Variants in PAG1 observed in about 807,000 individuals in gnomAD.
PAG1 encodes the protein phosphoprotein associated with glycosphingolipid-enriched microdomains 1.
A neutral mutation model predicts 31.7 loss-of-function variants in PAG1; 23 were observed. The observed-to-expected ratio is 0.73, with a 90% CI of 0.52 to 1.03. PAG1 has a LOEUF of 1.03. PAG1 is among the 50% of genes least tolerant of loss of function. The probability of loss-of-function intolerance (pLI) is 0.00; values close to 1 mark genes in which losing one functional copy is unlikely to be tolerated. For missense variants in PAG1, 473 were observed against 540.7 expected (o/e 0.87, Z 1.24); for synonymous variants, 214 against 210.3 (o/e 1.02, Z -0.15).
intron 3 of PAG1, among the ~76,000 whole-genome samples, chr8:81,025,387 G>C (rs1050193391): frequency 3.9e-5 from 6 of 151,980 alleles, no homozygotes; most frequent in Non-Finnish European, 8.8e-5. Flanking sequence ...TTCTCTTTTG[G>C]GGGCGCCCAA....
rs1156291167 is a variant in PAG1, at chr8:80,984,936, CTT to C, written c.714_715del (p.Ser239CysfsTer2). The C allele has an allele frequency of 1.2e-6, 2 of 1,614,194 alleles. No individual in the cohort carries two copies. The highest frequency in any genetic ancestry group is 1.7e-6 in the Non-Finnish European group (2 of 1,180,032). On this transcript the variant is annotated frameshift_variant, in exon 7 of 9. Coordinates refer to ENST00000220597, the MANE Select transcript of PAG1 (RefSeq NM_018440.4). LOFTEE classifies it high-confidence loss of function. ...TCCAAGGATACTCTCTACATTAACACTTTGACGACATTTTTTGTTTCTGTCCA... is the reference window on the plus strand; with the variant it reads ...TCCAAGGATACTCTCTACATTAACACTGACGACATTTTTTGTTTCTGTCCA...
At chr8:81,005,316 G>A (rs1020560382) in intron 3 of PAG1, among the ~76,000 whole-genome samples, 1 of 152,164 alleles carries the variant, frequency 6.6e-6, no homozygotes, top group African/African-American at 2.4e-5. Flanking sequence ...ATGTATGTAT[G>A]TATTTATATA....
chr8:81,068,192 A>G (rs1213312291), intron 2 of PAG1, among the ~76,000 whole-genome samples: 2 of 152,212 alleles, frequency 1.3e-5, no homozygotes, highest in Non-Finnish European at 2.9e-5. Flanking sequence ...CACTGCACCC[A>G]GCCTGCTTTG....
At chr8:81,012,689 T>A (rs1196729494) in intron 3 of PAG1, among the ~76,000 whole-genome samples, 1 of 152,206 alleles carries the variant, frequency 6.6e-6, no homozygotes, top group East Asian at 1.9e-4. Flanking sequence ...AAAGAAATAA[T>A]CAGATACCAG....
chr8:81,062,417 C>T (rs1382348634), intron 2 of PAG1, among the ~76,000 whole-genome samples: 1 of 152,198 alleles, frequency 6.6e-6, no homozygotes, highest in Non-Finnish European at 1.5e-5. Flanking sequence ...TGTAAACATT[C>T]ATATTGGCAG....
In PAG1 at chr8:81,059,949, C is replaced by T. The variant is rs535047784; in HGVS notation, c.-175+10163G>A. Among the ~76,000 whole-genome samples the T allele has an allele frequency of 5.3e-5, 8 of 151,582 alleles. No individual in the cohort carries two copies. The South Asian group carries it at 8.3e-4, about 16-fold the overall frequency. On this transcript the variant is annotated intron_variant, in intron 2 of 8. Coordinates refer to ENST00000220597, the MANE Select transcript of PAG1 (RefSeq NM_018440.4). ...AGGAAGATTGCTTGAACCCAGGAGGCGGAGGTTGCAGTGCGCCGAGATTGC... is the reference window on the plus strand; with the variant it reads ...AGGAAGATTGCTTGAACCCAGGAGGTGGAGGTTGCAGTGCGCCGAGATTGC...
At chr8:81,078,663 G>A (rs1809215784) in intron 1 of PAG1, among the ~76,000 whole-genome samples, 1 of 152,054 alleles carries the variant, frequency 6.6e-6, no homozygotes, top group African/African-American at 2.4e-5. Context: ...TACACTAAGG[G>A]ACAGGCTATT....
chr8:81,104,468 C>A (rs1809660354), intron 1 of PAG1, among the ~76,000 whole-genome samples: 1 of 151,098 alleles, frequency 6.6e-6, no homozygotes, highest in African/African-American at 2.4e-5. Context: ...GGAAGACTTG[C>A]AAACCTGCAT....
intron 2 of PAG1, among the ~76,000 whole-genome samples, chr8:81,057,813 C>T (rs73279944): frequency 0.025 from 3,829 of 152,212 alleles, 168 homozygotes; most frequent in African/African-American, 0.085. Context: ...ATATCAAAGT[C>T]CAGTCTTTTA....
intron 1 of PAG1, among the ~76,000 whole-genome samples, chr8:81,102,982 G>A (rs754819115): frequency 2.0e-5 from 3 of 152,088 alleles, no homozygotes; most frequent in Non-Finnish European, 2.9e-5. Context: ...CACACGGAAT[G>A]CCTCTTACAG....
intron 1 of PAG1, among the ~76,000 whole-genome samples, chr8:81,081,182 C>T (rs1211372301): frequency 6.6e-6 from 1 of 151,658 alleles, no homozygotes; most frequent in Non-Finnish European, 1.5e-5. Flanking sequence ...AACAGAATCC[C>T]TTGCCTTCCT....
intron 3 of PAG1, among the ~76,000 whole-genome samples, chr8:80,998,628 C>A (rs1287508486): frequency 6.6e-6 from 1 of 151,310 alleles, no homozygotes; most frequent in African/African-American, 2.4e-5. Context: ...ATGAAAGGTG[C>A]AGACCAAATG....
intron 8 of PAG1, among the ~76,000 whole-genome samples, chr8:80,979,913 G>A (rs141528989): frequency 2.7e-3 from 411 of 152,162 alleles, no homozygotes; most frequent in Middle Eastern, 0.01. Context: ...GGGAATATGC[G>A]ATCTGCTCTT....
chr8:81,009,355 C>A (rs764401665), intron 3 of PAG1, among the ~76,000 whole-genome samples: 18 of 152,092 alleles, frequency 1.2e-4, no homozygotes, highest in Admixed American at 1.0e-3. Context: ...AGTTCTCAAT[C>A]TCCAGATTAT....
intron 3 of PAG1, among the ~76,000 whole-genome samples, chr8:81,025,786 T>G (rs1808265999): frequency 6.6e-6 from 1 of 152,208 alleles, no homozygotes; most frequent in South Asian, 2.1e-4. Context: ...GCACCCACTT[T>G]GAATTCTAGA....
chr8:81,006,233 A>G (rs945751355), intron 3 of PAG1, among the ~76,000 whole-genome samples: 2 of 152,196 alleles, frequency 1.3e-5, no homozygotes, highest in East Asian at 1.9e-4. Context: ...ATGAGCCACC[A>G]TGCCTGGCCA....
chr8:81,087,603 C>T (rs1809380594), intron 1 of PAG1, among the ~76,000 whole-genome samples: 1 of 152,126 alleles, frequency 6.6e-6, no homozygotes, highest in Non-Finnish European at 1.5e-5. Context: ...TGAAAATGAA[C>T]CACAGCTAGA....
intron 2 of PAG1, among the ~76,000 whole-genome samples, chr8:81,031,871 A>G (rs1808382239): frequency 6.6e-6 from 1 of 152,238 alleles, no homozygotes; most frequent in Admixed American, 6.5e-5. Context: ...ACAGATCAAT[A>G]CTTTAGCATC....
At chr8:81,097,752 C>T (rs1809551127) in intron 1 of PAG1, among the ~76,000 whole-genome samples, 1 of 151,984 alleles carries the variant, frequency 6.6e-6, no homozygotes, top group Non-Finnish European at 1.5e-5. Context: ...GTAATGTAGT[C>T]CCTGGTACAC....
Sources: allele counts gnomAD v4.1 joint callset (sites outside exome capture counted in the v4.1 genomes callset), GRCh38; gene constraint gnomAD v4.1.1; transcripts MANE v1.5; gene names NCBI Gene and HGNC (gene_info 2026-07-23, HGNC 2026-07-21).